AUTS2: variants seen among roughly 807,000 people sequenced by gnomAD.
AUTS2 encodes the protein autism susceptibility gene 2 protein.
A neutral mutation model predicts 112.4 loss-of-function variants in AUTS2; 17 were observed. That is an observed-to-expected ratio of 0.15 (90% confidence interval 0.10 to 0.23). AUTS2 has a LOEUF of 0.23. AUTS2 is among the 10% of genes least tolerant of loss of function. The pLI is 1.00. For synonymous variants in AUTS2, 751 were observed against 702.7 expected, an observed-to-expected ratio of 1.07 and a Z score of -1.09; for missense variants, 1,510 against 1,701.6, an observed-to-expected ratio of 0.89 and a Z score of 1.98.
intron 6 of AUTS2, among the ~76,000 whole-genome samples, chr7:70,705,886 G>C (rs1809711415): frequency 6.6e-6 from 1 of 152,186 alleles, no homozygotes; most frequent in African/African-American, 2.4e-5. Context: ...TGATAGGTCT[G>C]TGTGCATCCT....
chr7:70,079,636 A>T (rs1803204373), intron 2 of AUTS2, among the ~76,000 whole-genome samples: 1 of 152,164 alleles, frequency 6.6e-6, no homozygotes, highest in Admixed American at 6.6e-5. Context: ...GAGGTTATTT[A>T]CATCTAGTAT....
rs370547506 is a variant in AUTS2 at position 70,726,434 on chromosome 7, A to G, written c.742+27814A>G. Among the ~76,000 whole-genome samples the G allele has an allele frequency of 1.4e-4, 21 of 152,300 alleles. 1 individual carries two copies. The East Asian group carries it at 3.5e-3, about 25-fold the overall frequency. On this transcript the variant is annotated intron_variant, in intron 6 of 18. Transcript: ENST00000342771. ...GAAATATACTAAACAACTTACAGAC[A>G]TCCTATTGTCGTATATGTGATATAA...
intron 1 of AUTS2, among the ~76,000 whole-genome samples, chr7:69,709,271 G>C (rs1798204977): frequency 6.6e-6 from 1 of 152,180 alleles, no homozygotes; most frequent in East Asian, 1.9e-4. Context: ...CCTTTCCCAG[G>C]AATGGGGTAG....
chr7:69,713,515 C>CAGTG (rs1462001376), intron 1 of AUTS2, among the ~76,000 whole-genome samples: 1 of 148,068 alleles, frequency 6.8e-6, no homozygotes, highest in Non-Finnish European at 1.5e-5. Context: ...GGCTGGAGTG[C>CAGTG]AGTGGTGCAA....
At chr7:70,668,333 A>G (rs1807454734) in intron 5 of AUTS2, among the ~76,000 whole-genome samples, 1 of 152,140 alleles carries the variant, frequency 6.6e-6, no homozygotes, top group Non-Finnish European at 1.5e-5. Flanking sequence ...TGGCCCCAGG[A>G]CCACATCTTT....
At chr7:70,071,118 A>G (rs1802747589) in intron 2 of AUTS2, among the ~76,000 whole-genome samples, 1 of 152,206 alleles carries the variant, frequency 6.6e-6, no homozygotes. Flanking sequence ...TTTTGTTTAA[A>G]TGATCAGTTG....
At chr7:70,262,206 C>T (rs2129607364) in intron 4 of AUTS2, among the ~76,000 whole-genome samples, 1 of 151,714 alleles carries the variant, frequency 6.6e-6, no homozygotes, top group African/African-American at 2.4e-5. Context: ...TGTTGTTGTT[C>T]TGAGATGGAG....
intron 4 of AUTS2, among the ~76,000 whole-genome samples, chr7:70,172,455 C>T (rs1016575693): frequency 3.9e-5 from 6 of 152,158 alleles, no homozygotes; most frequent in Non-Finnish European, 2.9e-5. Context: ...GCTTCTCAGC[C>T]CATCACTCAT....
chr7:69,905,345 T>C (rs1795111224), intron 2 of AUTS2, among the ~76,000 whole-genome samples: 1 of 152,118 alleles, frequency 6.6e-6, no homozygotes, highest in African/African-American at 2.4e-5. Context: ...AGAATATATA[T>C]GTGGGTAGAT....
intron 11 of AUTS2, among the ~76,000 whole-genome samples, 200 bp downstream of exon 11, chr7:70,771,844 CAAACTGTACTACCCAGATA>C (rs1230830314): frequency 2.6e-5 from 4 of 152,142 alleles, no homozygotes; most frequent in African/African-American, 9.7e-5. Context: ...ATTTACTTTT[CAAACTGTACTACCCAGATA>C]ATCTCAGTTA....
intron 2 of AUTS2, among the ~76,000 whole-genome samples, chr7:69,940,738 C>G (rs1384154379): frequency 3.3e-5 from 5 of 152,146 alleles, no homozygotes; most frequent in African/African-American, 1.2e-4. Flanking sequence ...AGTCAGGCAG[C>G]TGATGCTGTA....
At chr7:70,773,796 A>G (rs1790513326) in intron 11 of AUTS2, among the ~76,000 whole-genome samples, 1 of 152,234 alleles carries the variant, frequency 6.6e-6, no homozygotes, top group South Asian at 2.1e-4. Context: ...TTGCAGTGAA[A>G]TGTTCTGGGG....
chr7:70,513,129 CTTA>C (rs1799268835), intron 5 of AUTS2, among the ~76,000 whole-genome samples: 1 of 152,336 alleles, frequency 6.6e-6, no homozygotes, highest in Admixed American at 6.5e-5. Flanking sequence ...CAGTAACAGC[CTTA>C]TTATCACATG....
At chr7:70,329,090 T>C (rs566008518) in intron 4 of AUTS2, among the ~76,000 whole-genome samples, 1 of 152,328 alleles carries the variant, frequency 6.6e-6, no homozygotes, top group Non-Finnish European at 1.5e-5. Context: ...GGTTCAGCCA[T>C]GTATGTGTGT....
chr7:70,227,373 TTATA>T (rs1286476290), intron 4 of AUTS2, among the ~76,000 whole-genome samples: 1 of 152,030 alleles, frequency 6.6e-6, no homozygotes, highest in African/African-American at 2.4e-5. Flanking sequence ...ATGTAGTGTA[TTATA>T]TTTATGCCCA....
At chr7:70,382,709 C>A (rs73173589) in intron 4 of AUTS2, among the ~76,000 whole-genome samples, 4,018 of 152,292 alleles carry the variant, frequency 0.026, 63 homozygotes, top group Middle Eastern at 0.068. Flanking sequence ...CCTCTGTGTA[C>A]AACTCACTCA....
At chr7:70,209,422 A>G (rs915745604) in intron 4 of AUTS2, among the ~76,000 whole-genome samples, 2 of 152,194 alleles carry the variant, frequency 1.3e-5, no homozygotes, top group African/African-American at 2.4e-5. Flanking sequence ...CAGGTAAAGA[A>G]TCTAGGAGAT....
At chr7:70,050,596 G>A (rs1295428428) in intron 2 of AUTS2, among the ~76,000 whole-genome samples, 1 of 152,010 alleles carries the variant, frequency 6.6e-6, no homozygotes, top group Admixed American at 6.6e-5. Flanking sequence ...TAGGCATATG[G>A]ATATTAAATA....
intron 4 of AUTS2, among the ~76,000 whole-genome samples, chr7:70,235,309 A>T (rs543367823): frequency 5.3e-5 from 8 of 151,946 alleles, no homozygotes; most frequent in Non-Finnish European, 1.2e-4. Flanking sequence ...AATTAAAAAA[A>T]AAAAAATGTG....
Sources: allele counts gnomAD v4.1 joint callset (sites outside exome capture counted in the v4.1 genomes callset), GRCh38; gene constraint gnomAD v4.1.1; transcripts MANE v1.5; gene names NCBI Gene and HGNC (gene_info 2026-07-23, HGNC 2026-07-21).